FAM227B: variants seen among roughly 807,000 people sequenced by gnomAD.
The protein encoded by FAM227B is protein FAM227B.
FAM227B carries 88 observed loss-of-function variants against 73.8 expected under a neutral mutation model. The observed-to-expected ratio is 1.19, with a 90% CI of 1.00 to 1.42. The LOEUF is 1.42. Among genes scored for constraint, FAM227B ranks in the 40% most tolerant of loss-of-function variants. The probability of loss-of-function intolerance (pLI) is 0.00; values close to 1 mark genes in which losing one functional copy is unlikely to be tolerated. For synonymous variants in FAM227B, 210 were observed against 190.5 expected, an observed-to-expected ratio of 1.10 and a Z score of -0.84; for missense variants, 632 against 590.9, an observed-to-expected ratio of 1.07 and a Z score of -0.72.
chr15:49,440,311 C>G, intron 11 of FAM227B, among the ~76,000 whole-genome samples: 1 of 151,488 alleles, frequency 6.6e-6, no homozygotes, highest in East Asian at 2.0e-4. Flanking sequence ...CACCAAATGT[C>G]AAAAAGTTGA....
intron 15 of FAM227B, chr15:49,330,424 A>G (rs1289021940): frequency 6.6e-6 from 1 of 152,216 alleles, no homozygotes; most frequent in Non-Finnish European, 1.5e-5. Context: ...AGATTGTACA[A>G]GCAGTATCAG....
rs189622015 is a variant in FAM227B at position 49,340,311 on chromosome 15, G to T, written c.1272-4815C>A. Among the ~76,000 whole-genome samples the T allele has an allele frequency of 1.5e-4, 23 of 152,250 alleles. 1 individual carries two copies. In the East Asian group the frequency reaches 4.5e-3, roughly 29 times the overall value. On this transcript the variant is annotated intron_variant, in intron 13 of 15. Transcript: ENST00000299338. ...ACCATGGGAAAAGCGCAGTATCTGG[G>T]CTGGAGTACACGGTACAGTCCCTAA... is the stretch of plus-strand genomic sequence containing the variant.
At chr15:49,383,665 A>G (rs547286049) in intron 11 of FAM227B, among the ~76,000 whole-genome samples, 1 of 152,250 alleles carries the variant, frequency 6.6e-6, no homozygotes, top group South Asian at 2.1e-4. Context: ...AATATTTCTA[A>G]CAGAATGACA....
chr15:49,394,973 T>A (rs1178669652), intron 11 of FAM227B, among the ~76,000 whole-genome samples: 1 of 152,164 alleles, frequency 6.6e-6, no homozygotes, highest in Non-Finnish European at 1.5e-5. Context: ...CTTTAACAAT[T>A]CTTTGTCAGA....
chr15:49,499,188 AAAG>A (rs2057922177), intron 11 of FAM227B, among the ~76,000 whole-genome samples: 1 of 150,340 alleles, frequency 6.7e-6, no homozygotes, highest in African/African-American at 2.4e-5. Context: ...AAAAAAAAAA[AAAG>A]AAGGGCATTA....
intron 11 of FAM227B, among the ~76,000 whole-genome samples, chr15:49,473,233 T>C (rs2054941533): frequency 6.6e-6 from 1 of 151,036 alleles, no homozygotes; most frequent in South Asian, 2.1e-4. Flanking sequence ...AGTTAACTCA[T>C]CCTTTTGTCA....
At chr15:49,483,111 T>C (rs1306370597) in intron 11 of FAM227B, 1 of 1,134,766 alleles carries the variant, frequency 8.8e-7, no homozygotes, top group African/African-American at 1.5e-5. Flanking sequence ...TTTGCAAAAC[T>C]GAACGAATAT....
intron 11 of FAM227B, chr15:49,424,749 T>C (rs2049980636): frequency 3.8e-6 from 2 of 521,344 alleles, no homozygotes; most frequent in Admixed American, 7.1e-5. Context: ...CCTAAAAATA[T>C]CTCTTTTAAC....
At chr15:49,612,878 T>C (rs1413692557) in intron 2 of FAM227B, among the ~76,000 whole-genome samples, 1 of 152,142 alleles carries the variant, frequency 6.6e-6, no homozygotes, top group Non-Finnish European at 1.5e-5. Flanking sequence ...ATATAACTGA[T>C]AATACAAGAA....
At chr15:49,588,546 ACTAT>A (rs1379368322) in intron 4 of FAM227B, among the ~76,000 whole-genome samples, 9 of 41,480 alleles carry the variant, frequency 2.2e-4, no homozygotes, top group African/African-American at 6.4e-4. Flanking sequence ...CATATTGAGG[ACTAT>A]ATATATATAT....
At chr15:49,398,111 T>C (rs1389953042) in intron 11 of FAM227B, among the ~76,000 whole-genome samples, 2 of 152,116 alleles carry the variant, frequency 1.3e-5, no homozygotes, top group Non-Finnish European at 2.9e-5. Context: ...CCATCTCACA[T>C]GCAGAGACAC....
intron 11 of FAM227B, chr15:49,423,530 T>G (rs2151745361): frequency 6.6e-6 from 1 of 152,240 alleles, no homozygotes; most frequent in East Asian, 1.9e-4. Context: ...AGCAGGAAAG[T>G]AAAGTTACAA....
intron 11 of FAM227B, among the ~76,000 whole-genome samples, chr15:49,407,073 G>A (rs1315103944): frequency 6.6e-6 from 1 of 152,158 alleles, no homozygotes; most frequent in African/African-American, 2.4e-5. Context: ...CAGTTCTCCT[G>A]GGGCTAATGT....
At chr15:49,371,594 TTTA>T (rs1454485348) in intron 11 of FAM227B, among the ~76,000 whole-genome samples, 195 bp from the exon 12 acceptor site, 1 of 151,242 alleles carries the variant, frequency 6.6e-6, no homozygotes, top group African/African-American at 2.4e-5. Flanking sequence ...TCAATAGGGC[TTTA>T]TTATTATTGT....
intron 8 of FAM227B, among the ~76,000 whole-genome samples, chr15:49,569,827 G>A (rs536387354): frequency 1.3e-5 from 2 of 151,998 alleles, no homozygotes; most frequent in East Asian, 3.9e-4. Flanking sequence ...CTCTACTTCT[G>A]TGAGTTCAAC....
At chr15:49,448,992 T>TA (rs971075570) in intron 11 of FAM227B, among the ~76,000 whole-genome samples, 9 of 151,566 alleles carry the variant, frequency 5.9e-5, no homozygotes, top group South Asian at 2.1e-4. Flanking sequence ...GATATGCCAC[T>TA]AAAAAAAACA....
chr15:49,395,753 T>G (rs1480099600), intron 11 of FAM227B, among the ~76,000 whole-genome samples: 2 of 152,220 alleles, frequency 1.3e-5, no homozygotes, highest in Non-Finnish European at 2.9e-5. Context: ...TACGAGGCAG[T>G]CTTGCAAATA....
At chr15:49,350,889 C>T (rs2042144571) in intron 13 of FAM227B, among the ~76,000 whole-genome samples, 1 of 152,166 alleles carries the variant, frequency 6.6e-6, no homozygotes, top group South Asian at 2.1e-4. Flanking sequence ...TGCTGATAGG[C>T]TCATCCTAAT....
chr15:49,555,756 CT>C (rs2073598764), intron 9 of FAM227B, among the ~76,000 whole-genome samples: 1 of 151,928 alleles, frequency 6.6e-6, no homozygotes, highest in South Asian at 2.1e-4. Flanking sequence ...ATTGTTTTTT[CT>C]TTGTATTTGT....
Sources: gnomAD v4.1 joint callset for allele counts (sites outside exome capture counted in the v4.1 genomes callset) on GRCh38, gnomAD v4.1.1 for gene constraint, MANE v1.5 for transcripts, NCBI Gene and HGNC (gene_info 2026-07-23, HGNC 2026-07-21) for gene names.